The following FLNB variants were observed in gnomAD, a reference collection of about 807,000 sequenced individuals.
The protein encoded by FLNB is filamin-B.
A neutral mutation model predicts 250.6 loss-of-function variants in FLNB; 111 were observed. That is an observed-to-expected ratio of 0.44 (90% CI 0.38 to 0.52). The LOEUF is 0.52. Ranked by LOEUF, FLNB falls within the 20% of genes least tolerant of loss-of-function variation. The probability of loss-of-function intolerance (pLI) is 0.00; values close to 1 mark genes in which losing one functional copy is unlikely to be tolerated. For synonymous variants in FLNB, 1,302 were observed against 1,372.1 expected, an observed-to-expected ratio of 0.95 and a Z score of 1.13; for missense variants, 2,869 against 3,447.8, an observed-to-expected ratio of 0.83 and a Z score of 4.20.
intron 1 of FLNB, among the ~76,000 whole-genome samples, chr3:58,029,758 C>T (rs1248654495): frequency 6.6e-6 from 1 of 151,838 alleles, no homozygotes; most frequent in Admixed American, 6.6e-5. Context: ...ACCCCCCCGA[C>T]CTCCCCGGCC....
intron 1 of FLNB, among the ~76,000 whole-genome samples, chr3:58,043,105 G>A (rs376479453): frequency 1.4e-4 from 21 of 145,232 alleles, no homozygotes; most frequent in African/African-American, 5.1e-4. Context: ...CTCTAGCTAT[G>A]TAAACTGGAT....
At chr3:58,011,948 C>T (rs1475395556) in intron 1 of FLNB, among the ~76,000 whole-genome samples, 3 of 152,172 alleles carry the variant, frequency 2.0e-5, no homozygotes, top group Admixed American at 6.5e-5. Context: ...CCGTGGCTCA[C>T]GCCTGTAATC....
intron 1 of FLNB, among the ~76,000 whole-genome samples, chr3:58,024,701 CTTTTTTTTT>C (rs1174805764): frequency 4.8e-5 from 4 of 83,766 alleles, no homozygotes; most frequent in African/African-American, 1.8e-4. Context: ...GCCAAGCCTC[CTTTTTTTTT>C]TTTTTTTTTT....
chr3:58,027,470 C>T (rs376698077), intron 1 of FLNB, among the ~76,000 whole-genome samples: 176 of 152,208 alleles, frequency 1.2e-3, no homozygotes, highest in Non-Finnish European at 2.0e-3. Context: ...TTAGTATCAA[C>T]GAGGTTTCAC....
At chr3:58,054,266 A>G (rs543367908) in intron 1 of FLNB, among the ~76,000 whole-genome samples, 1 of 152,322 alleles carries the variant, frequency 6.6e-6, no homozygotes, top group Admixed American at 6.5e-5. Flanking sequence ...AATTAATTAA[A>G]TCAAATTTAA....
chr3:58,141,538 T>C (rs2097327024), intron 29 of FLNB, among the ~76,000 whole-genome samples: 1 of 152,158 alleles, frequency 6.6e-6, no homozygotes, highest in African/African-American at 2.4e-5. Flanking sequence ...CAGATGGACA[T>C]TGGGTTGCTT....
rs747029394 is a variant in FLNB, at chr3:58,154,867, G to T, written c.6711G>T (p.Glu2237Asp). The T allele has an allele frequency of 1.3e-5, 21 of 1,614,086 alleles. No individual in the cohort carries two copies. The highest frequency in any genetic ancestry group is 1.8e-5 in the Non-Finnish European group (21 of 1,180,000). Residue 2237 changes from glutamate to aspartate, a missense_variant, in exon 40 of 46, where the codon GAG becomes GAT. This residue lies in a region of FLNB where 1,084 missense variants were observed against 1,315.5 expected (regional missense o/e 0.82). Coordinates refer to ENST00000295956, the MANE Select transcript of FLNB (RefSeq NM_001457.4). The part of the protein sequence containing the change: ...SIAVEGPSKA[E>D]ITFDDHKNGS... ...CTGTTGAGGGCCCCAGTAAGGCCGA[G>T]ATTACATTCGATGACCATAAAAATG... is the stretch of plus-strand genomic sequence containing the variant.
chr3:58,094,725 G>A, intron 4 of FLNB, 111 bp from the exon 5 acceptor site: 1 of 894,910 alleles, frequency 1.1e-6, no homozygotes, highest in South Asian at 1.3e-5. Context: ...TCCCACATGG[G>A]ATCTGCAGGG....
intron 42 of FLNB, chr3:58,162,933 G>A (rs1302256731): frequency 1.0e-5 from 6 of 590,118 alleles, no homozygotes; most frequent in Admixed American, 2.5e-5. Context: ...CTTGTCCTGT[G>A]TTTATAGGAT....
intron 1 of FLNB, among the ~76,000 whole-genome samples, chr3:58,038,345 AAG>A (rs994788122): frequency 2.0e-5 from 3 of 152,084 alleles, no homozygotes; most frequent in African/African-American, 7.2e-5. Context: ...TATTGTTAAA[AAG>A]AGAGATTTGT....
chr3:58,103,863 T>G (rs1213903843), intron 9 of FLNB, 96 bp from the exon 10 acceptor site: 1 of 1,461,768 alleles, frequency 6.8e-7, no homozygotes, highest in African/African-American at 1.6e-5. Flanking sequence ...ATGGTTTATG[T>G]TTTGTTCAGT....
intron 8 of FLNB, among the ~76,000 whole-genome samples, chr3:58,100,369 A>ATATATATATATATATATAT (rs1559692340): frequency 4.1e-4 from 11 of 26,616 alleles, no homozygotes; most frequent in African/African-American, 3.3e-3. Context: ...ATATGTAAAA[A>ATATATATATATATATATAT]AAAAATATAT....
At chr3:58,122,982 G>GT (rs761685355) in intron 20 of FLNB, 111 bp from the exon 21 acceptor site, 178 of 985,658 alleles carry the variant, frequency 1.8e-4, no homozygotes, top group Admixed American at 4.3e-4. Context: ...CCAAGAGAAG[G>GT]GCTGCCTGGC....
Position 58,104,046 on chromosome 3 carries a change from G to A in FLNB, c.1571G>A (p.Ser524Asn). The A allele has an allele frequency of 6.2e-7, 1 of 1,614,014 alleles. No homozygotes were observed. The highest frequency in any genetic ancestry group is 8.5e-7 in the Non-Finnish European group (1 of 1,179,998). The change falls in exon 10 of 46, where the codon AGC becomes AAC. Residue 524 changes from serine to asparagine, a missense_variant. Physicochemically the swap from Ser to Asn is conservative, Grantham distance 46. Transcript: ENST00000295956. ...EYYPSTPGRY[S>N]IAITWGGHHI... ...TACCCCAGCACCCCGGGGAGATACA[G>A]CATTGCCATCACATGGGGGGGACAC...
At chr3:58,055,965 C>A (rs546796239) in intron 1 of FLNB, among the ~76,000 whole-genome samples, 21 of 151,958 alleles carry the variant, frequency 1.4e-4, no homozygotes, top group South Asian at 2.1e-4. Flanking sequence ...CTAAAACAGT[C>A]AATGACAGGA....
At chr3:58,053,211 T>G (rs1324916026) in intron 1 of FLNB, among the ~76,000 whole-genome samples, 2 of 152,186 alleles carry the variant, frequency 1.3e-5, no homozygotes, top group Admixed American at 1.3e-4. Context: ...AAACAGGTTT[T>G]TAGGTAAGTC....
At chr3:58,129,575 A>G (rs570984086) in intron 24 of FLNB, among the ~76,000 whole-genome samples, 1 of 152,286 alleles carries the variant, frequency 6.6e-6, no homozygotes, top group East Asian at 1.9e-4. Flanking sequence ...AGGGCCAGCC[A>G]TTTATTTCAC....
intron 1 of FLNB, among the ~76,000 whole-genome samples, chr3:58,033,984 C>T (rs1165103615): frequency 6.6e-6 from 1 of 151,986 alleles, no homozygotes; most frequent in Non-Finnish European, 1.5e-5. Flanking sequence ...CCTCAGCCTT[C>T]TGAGTAGCTG....
chr3:58,133,003 C>T, intron 26 of FLNB, 72 bp downstream of exon 26: 1 of 1,489,984 alleles, frequency 6.7e-7, no homozygotes, highest in Non-Finnish European at 9.1e-7. Context: ...CTCCATCAGT[C>T]CATCCACCCA....
Sources: allele counts gnomAD v4.1 joint callset (sites outside exome capture counted in the v4.1 genomes callset), GRCh38; gene constraint gnomAD v4.1.1; regional missense constraint gnomAD v4.1.1; transcripts MANE v1.5; gene names NCBI Gene and HGNC (gene_info 2026-07-23, HGNC 2026-07-21).